The following FANCI variants were observed in gnomAD, a reference collection of about 807,000 sequenced individuals.
The protein encoded by FANCI is Fanconi anemia group I protein.
Under a neutral mutation model 176.1 loss-of-function variants are expected in FANCI, and 156 were observed. The observed-to-expected ratio is 0.89, with a 90% CI of 0.78 to 1.01. The LOEUF (loss-of-function observed/expected upper bound fraction) is 1.01, where lower values mean the gene tolerates loss of function less well. FANCI is among the 50% of genes least tolerant of loss of function. FANCI has a pLI of 0.00. For missense variants in FANCI, 1,678 were observed against 1,534.1 expected (o/e 1.09, Z -1.57); for synonymous variants, 613 against 541.7 (o/e 1.13, Z -1.83).
Position 89,274,187 on chromosome 15 carries a change from CT to C in FANCI, c.997del (p.Ser333ArgfsTer3). The C allele has an allele frequency of 6.3e-7, 1 of 1,578,254 alleles. No individual in the cohort carries two copies. The highest frequency in any genetic ancestry group is 8.6e-7 in the Non-Finnish European group (1 of 1,160,836). On this transcript the variant is annotated frameshift_variant, in exon 12 of 38. Coordinates refer to ENST00000310775, the MANE Select transcript of FANCI (RefSeq NM_001113378.2). LOFTEE classifies it high-confidence loss of function. ...CTCAAGGTGCTTGATCTTTTAAAGA[CT>C]TCGGTTGTAAAGAGCTTTAAGGATC... The part of the protein sequence containing the change: ...FQDQVLDLLK[T>X]SVVKSFKDLQ...
chr15:89,312,152 G>C (rs1052170885), intron 34 of FANCI, among the ~76,000 whole-genome samples: 1 of 152,194 alleles, frequency 6.6e-6, no homozygotes, highest in Non-Finnish European at 1.5e-5. Flanking sequence ...GTGATTGCCT[G>C]TAAGTGGGAA....
chr15:89,278,844 C>T, intron 14 of FANCI, 70 bp downstream of exon 14: 1 of 1,343,478 alleles, frequency 7.4e-7, no homozygotes, highest in Non-Finnish European at 1.1e-6. Flanking sequence ...ATCATTTGGT[C>T]CTGGGAAAAA....
chr15:89,303,705 T>A (rs989889973), intron 27 of FANCI, among the ~76,000 whole-genome samples, 159 bp from the exon 28 acceptor site: 4 of 152,212 alleles, frequency 2.6e-5, no homozygotes, highest in Non-Finnish European at 5.9e-5. Flanking sequence ...TTTGGACTTA[T>A]TTTTATGCCC....
chr15:89,317,024 A>G lies in FANCI; in HGVS notation c.*565A>G. The G allele has an allele frequency of 1.6e-6, 1 of 607,864 alleles. No individual in the cohort carries two copies. The highest frequency in any genetic ancestry group is 2.9e-5 in the Admixed American group (1 of 34,174). 37.7% of individuals were successfully genotyped at this position (607,864 alleles called of 1,614,324 possible). On this transcript the variant is annotated 3_prime_UTR_variant, in exon 38 of 38. Transcript: ENST00000310775. Reference sequence around the variant, plus strand: ...TGTGTCTTAGATATATTTTAAATAGAAAATAAGCTTTCTGATTTACTTGTT... The same window carrying G: ...TGTGTCTTAGATATATTTTAAATAGGAAATAAGCTTTCTGATTTACTTGTT...
At chr15:89,296,772 T>A (rs969253949) in intron 24 of FANCI, among the ~76,000 whole-genome samples, 3 of 149,054 alleles carry the variant, frequency 2.0e-5, no homozygotes, top group African/African-American at 7.5e-5. Flanking sequence ...TAGGGGCCCC[T>A]CACCTCCCAG....
chr15:89,307,830 C>T, intron 34 of FANCI, 158 bp downstream of exon 34: 1 of 1,509,878 alleles, frequency 6.6e-7, no homozygotes, highest in Non-Finnish European at 8.8e-7. Context: ...GGCTTGAGGG[C>T]TTTGCAGCAA....
rs770951736 is a variant in FANCI at position 89,285,076 on chromosome 15, T to C, written c.1699-20T>C. ...ACAGCTTTGGTAAGATAGACGTGAA[T>C]TGGCCTGTCTTCCTTTCAGGTTCAT... is the stretch of plus-strand genomic sequence containing the variant. On this transcript the variant is annotated intron_variant, in intron 17 of 37. Coordinates refer to ENST00000310775, the MANE Select transcript of FANCI (RefSeq NM_001113378.2). 2.4e-5 allele frequency: 39 copies of C among 1,613,760 alleles called. No individual in the cohort carries two copies. The East Asian group carries it at 8.5e-4, about 35-fold the overall frequency.
chr15:89,259,001 C>A, intron 3 of FANCI: 1 of 515,534 alleles, frequency 1.9e-6, no homozygotes, highest in Non-Finnish European at 3.5e-6. Context: ...ATTTGGGGGC[C>A]TATAATTACA....
intron 9 of FANCI, among the ~76,000 whole-genome samples, chr15:89,266,328 ATTTTTTT>A (rs549962840): frequency 2.3e-5 from 3 of 130,084 alleles, no homozygotes; most frequent in East Asian, 2.2e-4. Context: ...TGCCTGGCTA[ATTTTTTT>A]TTTTTTTTTT....
chr15:89,307,574 C>T (rs1596328096), intron 33 of FANCI, 39 bp from the exon 34 acceptor site: 2 of 1,614,212 alleles, frequency 1.2e-6, no homozygotes, highest in East Asian at 2.2e-5. Flanking sequence ...AGCACTTTTA[C>T]TGCTGGTTAC....
At chr15:89,268,643 G>A in intron 10 of FANCI, 118 bp downstream of exon 10, 1 of 1,301,224 alleles carries the variant, frequency 7.7e-7, no homozygotes, top group Non-Finnish European at 1.1e-6. Context: ...CCTGGGTGTG[G>A]AGGATCTCTT....
chr15:89,261,491 A>G (rs1473634524), intron 4 of FANCI, 94 bp from the exon 5 acceptor site: 2 of 1,495,510 alleles, frequency 1.3e-6, no homozygotes, highest in East Asian at 2.3e-5. Context: ...ATCTCGGTCA[A>G]TTCATTTATT....
Position 89,294,803 on chromosome 15 carries a change from C to T in FANCI, c.2457-112C>T, listed in dbSNP as rs58169552. Reference sequence around the variant, plus strand: ...GAGTCTGCCAGTCGGAACTTACTGGCAAGCTCTGTTGGGTGCTGCTGTTCT... The same window carrying T: ...GAGTCTGCCAGTCGGAACTTACTGGTAAGCTCTGTTGGGTGCTGCTGTTCT... On this transcript the variant is annotated intron_variant, in intron 23 of 37. Transcript: ENST00000310775. The T allele has an allele frequency of 1.8e-5, 20 of 1,134,548 alleles. 1 individual carries two copies. The highest frequency in any genetic ancestry group is 2.3e-5 in the Non-Finnish European group (19 of 819,820). The allele number at this position is 1,134,548 out of a possible 1,614,324, so 70.3% of individuals were successfully genotyped here.
rs574154974 is a variant in FANCI, at chr15:89,261,863, C to A, written c.488C>A (p.Thr163Asn). 1.2e-5 allele frequency: 19 copies of A among 1,613,972 alleles called. No homozygotes were observed. In the East Asian group the frequency reaches 2.9e-4, roughly 25 times the overall value. The stretch of plus-strand genomic sequence containing the variant: ...GAATGTAAGAAACAGTTGATTAACA[C>A]CCTGTGTTCTGGCAGGTGAGTCTTG... ...GEECKKQLIN[T>N]LCSGRWDQQY... Residue 163 changes from threonine to asparagine, a missense_variant, in exon 6 of 38, where the codon ACC becomes AAC. Thr to Asn is a moderately conservative substitution (Grantham distance 65). Transcript: ENST00000310775.
intron 17 of FANCI, among the ~76,000 whole-genome samples, chr15:89,283,776 A>G (rs1397091356): frequency 6.7e-6 from 1 of 148,308 alleles, no homozygotes. Flanking sequence ...TTTTTTTGAG[A>G]CGGAGTCAGT....
intron 3 of FANCI, among the ~76,000 whole-genome samples, 153 bp from the exon 4 acceptor site, chr15:89,260,560 C>G (rs2052671209): frequency 6.6e-6 from 1 of 152,162 alleles, no homozygotes; most frequent in African/African-American, 2.4e-5. Flanking sequence ...AGCACTTTTT[C>G]AAAGCCCTTA....
chr15:89,269,191 A>G (rs1013621210), intron 10 of FANCI, among the ~76,000 whole-genome samples: 1 of 152,192 alleles, frequency 6.6e-6, no homozygotes, highest in Non-Finnish European at 1.5e-5. Flanking sequence ...TCTCTCATAC[A>G]TATTCTTTTT....
intron 22 of FANCI, 23 bp from the exon 23 acceptor site, chr15:89,293,810 G>A (rs149052081): frequency 2.3e-5 from 37 of 1,610,318 alleles, no homozygotes; most frequent in Middle Eastern, 1.9e-4. Flanking sequence ...TGTCCTTAGC[G>A]GTCTCTTTTT....
chr15:89,246,250 A>C (rs140686091), intron 1 of FANCI, among the ~76,000 whole-genome samples: 2,443 of 152,252 alleles, frequency 0.016, 48 homozygotes, highest in Non-Finnish European at 0.026. Context: ...TCTGTTCTCC[A>C]GTCACCACCC....
Sources: gnomAD v4.1 joint callset for allele counts (sites outside exome capture counted in the v4.1 genomes callset) on GRCh38, gnomAD v4.1.1 for gene constraint, MANE v1.5 for transcripts, NCBI Gene and HGNC (gene_info 2026-07-23, HGNC 2026-07-21) for gene names.